The following RFX7 variants were observed in gnomAD, a reference collection of about 807,000 sequenced individuals.
RFX7 encodes regulatory factor X7.
Under a neutral mutation model 111.8 loss-of-function variants are expected in RFX7, and 26 were observed. That is an observed-to-expected ratio of 0.23 (90% CI 0.17 to 0.32). The LOEUF (loss-of-function observed/expected upper bound fraction) is 0.32. RFX7 is among the 10% of genes least tolerant of loss of function. RFX7 has a pLI of 1.00. For synonymous variants in RFX7, 624 were observed against 624.4 expected, an observed-to-expected ratio of 1.00 and a Z score of 0.01; for missense variants, 1,573 against 1,772.9, an observed-to-expected ratio of 0.89 and a Z score of 2.02.
chr15:56,169,022 A>G (rs2141104358), intron 3 of RFX7, among the ~76,000 whole-genome samples: 1 of 152,318 alleles, frequency 6.6e-6, no homozygotes, highest in South Asian at 2.1e-4. Flanking sequence ...TATAGTTAGG[A>G]TTTTCTATTA....
chr15:56,169,536 T>C (rs2042819105), intron 3 of RFX7, among the ~76,000 whole-genome samples: 1 of 152,172 alleles, frequency 6.6e-6, no homozygotes, highest in Non-Finnish European at 1.5e-5. Context: ...TTAATATATA[T>C]GACAACTCAG....
At chr15:56,147,180 CATAATGGT>C (rs1259232274) in intron 3 of RFX7, among the ~76,000 whole-genome samples, 1 of 152,126 alleles carries the variant, frequency 6.6e-6, no homozygotes, top group African/African-American at 2.4e-5. Context: ...TAAAATAAAT[CATAATGGT>C]ATTCTATTTT....
At chr15:56,220,585 C>A (rs182763444) in intron 2 of RFX7, among the ~76,000 whole-genome samples, 164 of 152,114 alleles carry the variant, frequency 1.1e-3, no homozygotes, top group Non-Finnish European at 1.5e-3. Context: ...GGATATTAGA[C>A]CTTTGTCAGA....
chr15:56,098,473 A>G, intron 8 of RFX7, 97 bp from the exon 9 acceptor site: 6 of 1,306,570 alleles, frequency 4.6e-6, no homozygotes, highest in Middle Eastern at 2.7e-4. Flanking sequence ...TCTACTGGAC[A>G]AAGCAACCAA....
intron 8 of RFX7, 56 bp from the exon 9 acceptor site, chr15:56,098,432 G>A: frequency 4.7e-6 from 7 of 1,488,196 alleles, no homozygotes; most frequent in Admixed American, 2.6e-5. Flanking sequence ...TAGAAGGGAG[G>A]TTCCTTTGAA....
At position 56,115,282 on chromosome 15, in the gene RFX7, CATTACAGGGGTGAGCCGCTGGG is replaced by C. The variant is rs550422275; in HGVS notation, c.402-11634_402-11613del. Among the ~76,000 whole-genome samples, 24 of 152,210 alleles carry C rather than the reference CATTACAGGGGTGAGCCGCTGGG, an allele frequency of 1.6e-4. No individual in the cohort carries two copies. In the South Asian group the frequency reaches 4.4e-3, roughly 28 times the overall value. On this transcript the variant is annotated intron_variant, in intron 5 of 9. Coordinates refer to ENST00000559447, the MANE Select transcript of RFX7 (RefSeq NM_022841.7). ...CTGCCTCGGCCTCCCAAAGTGCTGG[CATTACAGGGGTGAGCCGCTGGG>C]ATTACAGGGGTGAGCCTCTGTGCCC... is the stretch of plus-strand genomic sequence containing the variant.
At chr15:56,131,385 G>T (rs1329408540) in intron 5 of RFX7, among the ~76,000 whole-genome samples, 4 of 138,026 alleles carry the variant, frequency 2.9e-5, no homozygotes, top group African/African-American at 8.2e-5. Context: ...CTCCAACTCA[G>T]ACTCTCGTAT....
chr15:56,197,593 C>A (rs2043157193), intron 2 of RFX7, among the ~76,000 whole-genome samples: 1 of 151,962 alleles, frequency 6.6e-6, no homozygotes, highest in Non-Finnish European at 1.5e-5. Flanking sequence ...GTCTTGTTAA[C>A]CTGCTTCCTA....
At chr15:56,167,316 G>GA (rs1461179790) in intron 3 of RFX7, among the ~76,000 whole-genome samples, 5 of 150,260 alleles carry the variant, frequency 3.3e-5, no homozygotes, top group Non-Finnish European at 7.4e-5. Flanking sequence ...ATGTCTCAAG[G>GA]AAAAAAAAAG....
intron 2 of RFX7, among the ~76,000 whole-genome samples, chr15:56,214,100 T>C (rs12593096): frequency 0.13 from 19,824 of 152,118 alleles, 1,694 homozygotes; most frequent in East Asian, 0.44. Context: ...TTTTCCCTCA[T>C]CTCCAGTTAT....
chr15:56,143,950 C>A (rs1268810835), intron 4 of RFX7, among the ~76,000 whole-genome samples: 1 of 152,156 alleles, frequency 6.6e-6, no homozygotes, highest in Admixed American at 6.5e-5. Flanking sequence ...ACCCCAAGCA[C>A]TTAACACACC....
chr15:56,149,772 T>C (rs1231495406), intron 3 of RFX7, among the ~76,000 whole-genome samples: 1 of 151,738 alleles, frequency 6.6e-6, no homozygotes, highest in Non-Finnish European at 1.5e-5. Context: ...GGCTGGCCAA[T>C]TGGGCAGACA....
intron 5 of RFX7, among the ~76,000 whole-genome samples, chr15:56,131,664 T>C (rs2042219509): frequency 6.6e-6 from 1 of 152,214 alleles, no homozygotes; most frequent in South Asian, 2.1e-4. Flanking sequence ...AATTCCAATA[T>C]TCACTTCTCA....
rs2140508740 is a variant in RFX7, at chr15:56,093,299, T to A, written c.*46A>T. On this transcript the variant is annotated 3_prime_UTR_variant, in exon 10 of 10. Transcript: ENST00000559447. ...GGCACTTCCATTAAGACAAATACAA[T>A]ACATATGTCTTTAGATACAGTGTGC... The A allele has an allele frequency of 6.8e-7, 1 of 1,476,184 alleles. No homozygotes were observed. The highest frequency in any genetic ancestry group is 1.3e-5 in the South Asian group (1 of 76,092). 91.4% of individuals were successfully genotyped at this position (1,476,184 alleles called of 1,614,324 possible). A position where few individuals can be genotyped will look rare whatever the true frequency, so the allele number is the denominator to read the frequency against.
At chr15:56,220,741 T>G (rs2043418161) in intron 2 of RFX7, among the ~76,000 whole-genome samples, 2 of 152,220 alleles carry the variant, frequency 1.3e-5, no homozygotes, top group South Asian at 2.1e-4. Flanking sequence ...CTGTCAAATC[T>G]TTCCTTTCCC....
At chr15:56,121,312 C>A (rs1438649498) in intron 5 of RFX7, among the ~76,000 whole-genome samples, 1 of 152,184 alleles carries the variant, frequency 6.6e-6, no homozygotes, top group Non-Finnish European at 1.5e-5. Flanking sequence ...ATGTCACTCT[C>A]TCCTGGCTTG....
intron 5 of RFX7, among the ~76,000 whole-genome samples, chr15:56,118,666 A>G (rs937272227): frequency 1.3e-5 from 2 of 152,196 alleles, no homozygotes; most frequent in South Asian, 2.1e-4. Flanking sequence ...GGGAGTGCAG[A>G]TATCTCTTTG....
intron 7 of RFX7, 87 bp downstream of exon 7, chr15:56,102,082 T>C: frequency 1.0e-6 from 1 of 992,958 alleles, no homozygotes; most frequent in Non-Finnish European, 1.5e-6. Context: ...TCGCTAGGCT[T>C]AACCAAATGA....
chr15:56,243,060 C>CCCCCCCCCCCTT, intron 2 of RFX7, 65 bp downstream of exon 2: 3 of 1,021,928 alleles, frequency 2.9e-6, no homozygotes, highest in Non-Finnish European at 2.8e-6. Flanking sequence ...CCCGCCGCCC[C>CCCCCCCCCCCTT]CCACCCACTT....
Sources: gnomAD v4.1 joint callset for allele counts (sites outside exome capture counted in the v4.1 genomes callset) on GRCh38, gnomAD v4.1.1 for gene constraint, MANE v1.5 for transcripts, NCBI Gene and HGNC (gene_info 2026-07-23, HGNC 2026-07-21) for gene names.